CACNA1H: variants seen among roughly 807,000 people sequenced by gnomAD.
CACNA1H encodes calcium voltage-gated channel subunit alpha1 H.
Under a neutral mutation model 192.5 loss-of-function variants are expected in CACNA1H, and 149 were observed. That is an observed-to-expected ratio of 0.77 (90% CI 0.68 to 0.89). The LOEUF is 0.89. Ranked by LOEUF, CACNA1H falls within the 40% of genes least tolerant of loss-of-function variation. The pLI is 0.00. For missense variants in CACNA1H, 4,257 were observed against 3,423.5 expected (o/e 1.24, Z -6.08); for synonymous variants, 2,202 against 1,475.2 (o/e 1.49, Z -11.29).
Position 1,211,990 on chromosome 16 carries a change from C to G in CACNA1H, c.4611C>G (p.Ser1537=). 6.2e-7 allele frequency: 1 copy of G among 1,613,590 alleles called. No homozygotes were observed. Among genetic ancestry groups the G allele is most frequent in the Non-Finnish European group, 8.5e-7 (1 of 1,179,696 alleles). ...CCTGGATGCTGCTGTACTTCATCTCCTTCCTGCTCATCGTCAGCTTCTTCG... is the reference window on the plus strand; with the variant it reads ...CCTGGATGCTGCTGTACTTCATCTCGTTCCTGCTCATCGTCAGCTTCTTCG... ...HNPWMLLYFI[S]FLLIVSFFVL... is the part of the protein sequence containing the mutation. Residue 1537 remains serine (S), a synonymous_variant, in exon 25 of 35, where the codon TCC becomes TCG. Transcript: ENST00000348261.
chr16:1,153,911 C>T lies in CACNA1H; in HGVS notation c.174C>T (p.Arg58=), dbSNP rs1292472390. Reference sequence around the variant, plus strand: ...CCTCCGAGAGCCCGGCGGCCGAGCGCGGCGCGGAGCTGGGTGCCGACGAGG... The same window carrying T: ...CCTCCGAGAGCCCGGCGGCCGAGCGTGGCGCGGAGCTGGGTGCCGACGAGG... ...VSPSESPAAE[R]GAELGADEEQ... Residue 58 remains arginine, a synonymous_variant, in exon 2 of 35, where the codon CGC becomes CGT. Coordinates refer to ENST00000348261, the MANE Select transcript of CACNA1H (RefSeq NM_021098.3). 8.9e-6 allele frequency: 13 copies of T among 1,453,454 alleles called. No homozygotes were observed. Among genetic ancestry groups the T allele is most frequent in the Non-Finnish European group, 1.1e-5 (12 of 1,103,764 alleles). The allele number at this position is 1,453,454 out of a possible 1,614,324, so 90.0% of individuals were successfully genotyped here. A position where few individuals can be genotyped will look rare whatever the true frequency, so the allele number is the denominator to read the frequency against.
chr16:1,173,998 C>T (rs529371221), intron 2 of CACNA1H, among the ~76,000 whole-genome samples: 9 of 152,010 alleles, frequency 5.9e-5, no homozygotes, highest in Non-Finnish European at 8.8e-5. Flanking sequence ...CATTGACCTG[C>T]GTGCACAGTA....
intron 2 of CACNA1H, among the ~76,000 whole-genome samples, chr16:1,160,756 C>G (rs1335252812): frequency 1.3e-5 from 2 of 152,196 alleles, no homozygotes; most frequent in Non-Finnish European, 2.9e-5. Context: ...CTCCTTTGTC[C>G]TCTTGCTGCC....
At chr16:1,187,131 G>A (rs974498762) in intron 2 of CACNA1H, among the ~76,000 whole-genome samples, 1 of 152,268 alleles carries the variant, frequency 6.6e-6, no homozygotes. Flanking sequence ...CTTCCCCGGT[G>A]AATACACATA....
At position 1,218,597 on chromosome 16, in the gene CACNA1H, C is replaced by T. The variant is rs766431576; in HGVS notation, c.5833C>T (p.Pro1945Ser). 36 of 1,565,192 alleles carry T rather than the reference C, an allele frequency of 2.3e-5. No individual in the cohort carries two copies. In the South Asian group the frequency reaches 3.5e-4, roughly 15 times the overall value. ...RPVVPASAPH[P>S]RPLQEVEMET... The stretch of plus-strand genomic sequence containing the variant: ...CGTGGTGCCTGCCTCGGCGCCCCAC[C>T]CCCGCCCGCTGCAGGAGGTGGAGAT... The change falls in exon 33 of 35, where the codon CCC becomes TCC. Residue 1945 changes from proline to serine, a missense_variant. Pro to Ser is a moderately conservative substitution (Grantham distance 74). Coordinates refer to ENST00000348261, the MANE Select transcript of CACNA1H (RefSeq NM_021098.3).
chr16:1,213,132 T>C (rs1969655426), intron 26 of CACNA1H, among the ~76,000 whole-genome samples: 1 of 152,228 alleles, frequency 6.6e-6, no homozygotes, highest in Admixed American at 6.5e-5. Context: ...CGACTTCAGA[T>C]GGTCTGGAGT....
rs181662428 is a variant in CACNA1H, at chr16:1,177,170, G to A, written c.300-17802G>A. 3.0e-3 allele frequency among the ~76,000 whole-genome samples: 464 copies of A among 152,256 alleles called. 2 individuals are homozygous for A. Among genetic ancestry groups the A allele is most frequent in the Non-Finnish European group, 4.7e-3 (318 of 68,012 alleles). ...CACTGACATTTACAAAGGACATCTC[G>A]GACTCTCGGACCCTTGGATTTCTAA... On this transcript the variant is annotated intron_variant, in intron 2 of 34. Coordinates refer to ENST00000348261, the MANE Select transcript of CACNA1H (RefSeq NM_021098.3).
chr16:1,206,316 C>T (rs1266822775), intron 12 of CACNA1H, 27 bp downstream of exon 12: 2 of 1,544,092 alleles, frequency 1.3e-6, no homozygotes, highest in Non-Finnish European at 8.7e-7. Flanking sequence ...TCCCGGCCCG[C>T]CCAGTGTCTC....
intron 2 of CACNA1H, among the ~76,000 whole-genome samples, chr16:1,172,677 AG>A (rs1435054009): frequency 2.0e-5 from 3 of 152,114 alleles, no homozygotes; most frequent in African/African-American, 7.2e-5. Flanking sequence ...CTGTAGCCAC[AG>A]GGGCAGAGCC....
chr16:1,187,494 C>A (rs1202327861), intron 2 of CACNA1H, among the ~76,000 whole-genome samples: 1 of 152,258 alleles, frequency 6.6e-6, no homozygotes, highest in African/African-American at 2.4e-5. Context: ...TGGCTCAGGC[C>A]GCTTGTGCCC....
rs763018232 is a variant in CACNA1H at position 1,219,026 on chromosome 16, C to G, written c.5944C>G (p.Pro1982Ala). 5 of 1,550,256 alleles carry G rather than the reference C, an allele frequency of 3.2e-6. No individual in the cohort carries two copies. The South Asian group carries it at 5.9e-5, about 18-fold the overall frequency. Reference sequence around the variant, plus strand: ...AGAGTCCTGTGCCTCCCTCCAGATCCCATTGGCTGTGTCGTCCCCAGCCAG... The same window carrying G: ...AGAGTCCTGTGCCTCCCTCCAGATCGCATTGGCTGTGTCGTCCCCAGCCAG... ...PAESCASLQIPLAVSSPARSG... is the reference protein window; with the variant it reads ...PAESCASLQIALAVSSPARSG... Residue 1982 changes from proline to alanine, a missense_variant, in exon 34 of 35, where the codon CCA (proline) becomes GCA (alanine). Physicochemically the swap from Pro to Ala is conservative, Grantham distance 27. Transcript: ENST00000348261.
Position 1,153,779 on chromosome 16 carries a change from C to T in CACNA1H, c.42C>T (p.Pro14=), listed in dbSNP as rs1486745172. The change falls in exon 2 of 35, where the codon CCC becomes CCT. Residue 14 remains proline (P), a synonymous_variant. Transcript: ENST00000348261. ...GARAADEVRV[P]LGAPPPGPAA... ...GGGCCGCCGACGAGGTCCGGGTGCC[C>T]CTGGGCGCGCCGCCCCCTGGCCCTG... 23 of 1,226,684 alleles carry T rather than the reference C, an allele frequency of 1.9e-5. No individual in the cohort carries two copies. The highest frequency in any genetic ancestry group is 1.0e-4 in the South Asian group (3 of 29,472). The allele number at this position is 1,226,684 out of a possible 1,614,324, so 76.0% of individuals were successfully genotyped here. A position where few individuals can be genotyped will look rare whatever the true frequency, so the allele number is the denominator to read the frequency against.
intron 2 of CACNA1H, among the ~76,000 whole-genome samples, chr16:1,168,003 C>T (rs1053449062): frequency 6.6e-6 from 1 of 152,198 alleles, no homozygotes; most frequent in Non-Finnish European, 1.5e-5. Flanking sequence ...GTGACCGCAC[C>T]TCTGTCTGCC....
intron 2 of CACNA1H, among the ~76,000 whole-genome samples, chr16:1,185,728 G>T (rs1478105302): frequency 0.013 from 46 of 3,484 alleles, no homozygotes; most frequent in Non-Finnish European, 0.038. Context: ...GCCGGAGGCG[G>T]GGTGTGTACG....
intron 2 of CACNA1H, among the ~76,000 whole-genome samples, chr16:1,179,386 G>A (rs557498887): frequency 1.3e-5 from 2 of 152,254 alleles, no homozygotes; most frequent in African/African-American, 2.4e-5. Context: ...TCCTGCCCCC[G>A]CGAGGTTGGG....
At chr16:1,181,951 C>T (rs1427687086) in intron 2 of CACNA1H, among the ~76,000 whole-genome samples, 3 of 149,724 alleles carry the variant, frequency 2.0e-5, no homozygotes, top group Non-Finnish European at 3.0e-5. Context: ...CACGCCCCCT[C>T]GCACACGCAT....
intron 5 of CACNA1H, among the ~76,000 whole-genome samples, chr16:1,197,984 C>T (rs1383042452): frequency 1.3e-5 from 2 of 152,088 alleles, no homozygotes; most frequent in East Asian, 1.9e-4. Context: ...CCTGAAAAGC[C>T]GCTGCCGGTC....
Position 1,198,742 on chromosome 16 carries a change from G to A in CACNA1H, c.771G>A (p.Arg257=), listed in dbSNP as rs1967307732. ...VGVQLWAGLL[R]NRCFLDSAFV... Reference sequence around the variant, plus strand: ...TCCAGCTCTGGGCTGGCCTCCTGCGGAACCGCTGCTTCCTGGACAGTGCCT... The same window carrying A: ...TCCAGCTCTGGGCTGGCCTCCTGCGAAACCGCTGCTTCCTGGACAGTGCCT... Residue 257 remains arginine (R), a synonymous_variant, in exon 6 of 35, where the codon CGG becomes CGA. Transcript: ENST00000348261. 1 of 1,612,596 alleles carries A rather than the reference G, an allele frequency of 6.2e-7. No homozygotes were observed. Among genetic ancestry groups the A allele is most frequent in the South Asian group, 1.1e-5 (1 of 91,096 alleles).
At position 1,200,247 on chromosome 16, in the gene CACNA1H, C is replaced by T. The variant is rs1967675724; in HGVS notation, c.804-9C>T. On this transcript the variant is annotated splice_polypyrimidine_tract_variant and intron_variant, in intron 6 of 34. Coordinates refer to ENST00000348261, the MANE Select transcript of CACNA1H (RefSeq NM_021098.3). ...TGTACCTTTTGGCCCTGGCTGTGCC[C>T]ATCCCCAGGAACAACAACCTGACCT... 1.3e-6 allele frequency: 2 copies of T among 1,588,592 alleles called. No homozygotes were observed. Among genetic ancestry groups the T allele is most frequent in the South Asian group, 1.1e-5 (1 of 87,820 alleles).
Sources: allele counts gnomAD v4.1 joint callset (sites outside exome capture counted in the v4.1 genomes callset), GRCh38; gene constraint gnomAD v4.1.1; transcripts MANE v1.5; gene names NCBI Gene and HGNC (gene_info 2026-07-23, HGNC 2026-07-21).